The following SPECC1 variants were observed in gnomAD, a reference collection of about 807,000 sequenced individuals.
SPECC1 encodes the protein cytospin-B.
In SPECC1, 62 loss-of-function variants were observed where a neutral mutation model predicts 104.1. That is an observed-to-expected ratio of 0.60 (90% CI 0.49 to 0.74). The LOEUF (loss-of-function observed/expected upper bound fraction) is 0.74, where lower values mean the gene tolerates loss of function less well. Ranked by LOEUF, SPECC1 falls within the 30% of genes least tolerant of loss-of-function variation. The probability of loss-of-function intolerance (pLI) is 0.00; values close to 1 mark genes in which losing one functional copy is unlikely to be tolerated. For synonymous variants in SPECC1, 513 were observed against 501.6 expected (o/e 1.02, Z -0.30); for missense variants, 1,306 against 1,310.5 (o/e 1.00, Z 0.05).
intron 1 of SPECC1, among the ~76,000 whole-genome samples, chr17:20,016,730 G>C (rs2044145654): frequency 6.6e-6 from 1 of 152,216 alleles, no homozygotes; most frequent in South Asian, 2.1e-4. Flanking sequence ...GCTCCTGTGC[G>C]GCCCGAGCCT....
At chr17:20,254,411 A>G (rs1293773439) in intron 10 of SPECC1, among the ~76,000 whole-genome samples, 2 of 152,128 alleles carry the variant, frequency 1.3e-5, no homozygotes, top group African/African-American at 4.8e-5. Flanking sequence ...TCTAAAACGG[A>G]AATAATCCGG....
At chr17:20,103,357 G>T (rs1217331948) in intron 2 of SPECC1, among the ~76,000 whole-genome samples, 1 of 152,176 alleles carries the variant, frequency 6.6e-6, no homozygotes, top group Non-Finnish European at 1.5e-5. Flanking sequence ...TCCTCAGTGT[G>T]TTCTGTGTGG....
chr17:20,294,136 C>G (rs2041263140), intron 12 of SPECC1, among the ~76,000 whole-genome samples: 1 of 152,176 alleles, frequency 6.6e-6, no homozygotes, highest in Non-Finnish European at 1.5e-5. Context: ...TGCCCACCAC[C>G]ACACCTGGCT....
At chr17:20,094,058 A>G (rs2047532192) in intron 1 of SPECC1, among the ~76,000 whole-genome samples, 2 of 151,880 alleles carry the variant, frequency 1.3e-5, no homozygotes, top group African/African-American at 2.4e-5. Context: ...TGAGAAGAAG[A>G]TGGGATTTGA....
At chr17:20,301,382 G>A (rs2041574180) in intron 13 of SPECC1, among the ~76,000 whole-genome samples, 1 of 151,330 alleles carries the variant, frequency 6.6e-6, no homozygotes, top group South Asian at 2.1e-4. Flanking sequence ...CTGGAGCCGT[G>A]TTCCCCTATG....
At chr17:20,162,588 A>T (rs566257284) in intron 3 of SPECC1, among the ~76,000 whole-genome samples, 1 of 152,378 alleles carries the variant, frequency 6.6e-6, no homozygotes, top group African/African-American at 2.4e-5. Context: ...AAAGCACCTG[A>T]TAAGTTTTAG....
At chr17:20,232,546 T>TA (rs912505010) in intron 7 of SPECC1, 141 bp downstream of exon 7, 5 of 911,092 alleles carry the variant, frequency 5.5e-6, no homozygotes, top group Non-Finnish European at 8.2e-6. Context: ...AGCACCACCT[T>TA]ACCACTAGGA....
intron 1 of SPECC1, among the ~76,000 whole-genome samples, chr17:20,025,448 G>A (rs1164668069): frequency 1.3e-5 from 2 of 152,118 alleles, no homozygotes; most frequent in East Asian, 1.9e-4. Context: ...GGTCATTTCC[G>A]ATGCATGGAA....
At chr17:20,163,171 CAG>C (rs1327914884) in intron 3 of SPECC1, among the ~76,000 whole-genome samples, 2 of 152,144 alleles carry the variant, frequency 1.3e-5, no homozygotes, top group Admixed American at 6.5e-5. Flanking sequence ...CTAATTAAGA[CAG>C]AAAATCAAAT....
rs7207615 is a variant in SPECC1, at chr17:20,304,797, G to C, written c.3058-1226G>C. ...GAGGCTGTGATAAAGGAGAAGATGA[G>C]AAACTGTGCGAGGAAGCCAGGGTCC... On this transcript the variant is annotated intron_variant, in intron 13 of 14. Transcript: ENST00000395527. 6.3e-3 allele frequency among the ~76,000 whole-genome samples: 964 copies of C among 152,070 alleles called. 11 individuals carry two copies. Among genetic ancestry groups the C allele is most frequent in the African/African-American group, 0.022 (917 of 41,482 alleles).
chr17:20,163,669 T>C (rs1447816322), intron 3 of SPECC1, among the ~76,000 whole-genome samples: 1 of 151,626 alleles, frequency 6.6e-6, no homozygotes, highest in Non-Finnish European at 1.5e-5. Context: ...CAGGCGGTCC[T>C]CTCACTGCAG....
chr17:20,312,682 G>T (rs1286729432), intron 14 of SPECC1, among the ~76,000 whole-genome samples: 9 of 152,198 alleles, frequency 5.9e-5, no homozygotes, highest in Non-Finnish European at 1.2e-4. Flanking sequence ...ACTACAGCCA[G>T]TGTAGGTAGA....
rs116736769 is a variant in SPECC1 at position 20,075,877 on chromosome 17, G to A, written c.-21-20754G>A. 9.6e-3 allele frequency among the ~76,000 whole-genome samples: 1,465 copies of A among 152,260 alleles called. 21 individuals are homozygous for A. The highest frequency in any genetic ancestry group is 0.033 in the African/African-American group (1,391 of 41,540). On this transcript the variant is annotated intron_variant, in intron 1 of 14. Coordinates refer to ENST00000395527, the MANE Select transcript of SPECC1 (RefSeq NM_001243439.2). Reference sequence around the variant, plus strand: ...TAAGAAGATCGCTTGAAATCAGGAGGTTGAGGCTACAGTGAGCTGTGATCA... The same window carrying A: ...TAAGAAGATCGCTTGAAATCAGGAGATTGAGGCTACAGTGAGCTGTGATCA...
intron 11 of SPECC1, among the ~76,000 whole-genome samples, chr17:20,259,873 G>C (rs2039964659): frequency 6.6e-6 from 1 of 152,034 alleles, no homozygotes; most frequent in Non-Finnish European, 1.5e-5. Flanking sequence ...GGTGTGTTTT[G>C]TTTACGTATC....
intron 4 of SPECC1, among the ~76,000 whole-genome samples, chr17:20,224,625 G>A (rs1320511210): frequency 2.0e-5 from 3 of 151,856 alleles, no homozygotes; most frequent in Non-Finnish European, 2.9e-5. Flanking sequence ...AGTGGCCACC[G>A]CCACCCCAAG....
At chr17:20,235,636 G>A (rs2038865866) in intron 7 of SPECC1, among the ~76,000 whole-genome samples, 1 of 152,338 alleles carries the variant, frequency 6.6e-6, no homozygotes, top group East Asian at 1.9e-4. Flanking sequence ...CTCTGTGTTT[G>A]TGGCATTTGT....
At chr17:20,236,982 CT>C in intron 7 of SPECC1, 1 of 1,580,888 alleles carries the variant, frequency 6.3e-7, no homozygotes. Flanking sequence ...GAAATTGCCT[CT>C]TTATAAAGAG....
chr17:20,075,678 G>T (rs2046732608), intron 1 of SPECC1, among the ~76,000 whole-genome samples: 1 of 152,104 alleles, frequency 6.6e-6, no homozygotes, highest in African/African-American at 2.4e-5. Flanking sequence ...GGGCGTCGTA[G>T]GTCATGCCTC....
chr17:20,160,324 T>C (rs1369808011), intron 3 of SPECC1, among the ~76,000 whole-genome samples: 4 of 152,134 alleles, frequency 2.6e-5, no homozygotes, highest in Admixed American at 2.6e-4. Flanking sequence ...GCCCTGAATC[T>C]GCCAGCAGTC....
Sources: gnomAD v4.1 joint callset for allele counts (sites outside exome capture counted in the v4.1 genomes callset) on GRCh38, gnomAD v4.1.1 for gene constraint, MANE v1.5 for transcripts, NCBI Gene and HGNC (gene_info 2026-07-23, HGNC 2026-07-21) for gene names.